The following FLOT1 variants were observed in gnomAD, a reference collection of about 807,000 sequenced individuals.
The protein encoded by FLOT1 is flotillin 1.
In FLOT1, 40 loss-of-function variants were observed where a neutral mutation model predicts 58.4. The ratio of observed to expected loss-of-function variants is 0.69; its 90% CI spans 0.53 to 0.89. The LOEUF (loss-of-function observed/expected upper bound fraction) is 0.89. FLOT1 is among the 40% of genes least tolerant of loss of function. FLOT1 has a pLI of 0.00. For missense variants in FLOT1, 423 were observed against 540.8 expected (o/e 0.78, Z 2.16); for synonymous variants, 178 against 204.2 (o/e 0.87, Z 1.09).
At chr6:30,731,988 G>A (rs1777237406) in intron 8 of FLOT1, among the ~76,000 whole-genome samples, 2 of 150,694 alleles carry the variant, frequency 1.3e-5, no homozygotes, top group Admixed American at 6.6e-5. Context: ...CTTTTTTTTT[G>A]AGGCAGTTTC....
intron 8 of FLOT1, among the ~76,000 whole-genome samples, chr6:30,734,674 C>T (rs1161889951): frequency 6.6e-6 from 1 of 152,044 alleles, no homozygotes; most frequent in East Asian, 1.9e-4. Flanking sequence ...TATTTTTCCC[C>T]TTTGTCAGCT....
At chr6:30,733,081 G>A (rs1777313117) in intron 8 of FLOT1, among the ~76,000 whole-genome samples, 1 of 151,770 alleles carries the variant, frequency 6.6e-6, no homozygotes, top group Admixed American at 6.6e-5. Context: ...TGGCACCCAG[G>A]CTGGAGTGCA....
chr6:30,731,691 C>T (rs1452612662), intron 8 of FLOT1, among the ~76,000 whole-genome samples: 1 of 152,192 alleles, frequency 6.6e-6, no homozygotes, highest in Non-Finnish European at 1.5e-5. Context: ...CTCAAATCCC[C>T]CCACTGTTGC....
At chr6:30,728,398 C>T (rs1392991927) in intron 12 of FLOT1, among the ~76,000 whole-genome samples, 1 of 152,098 alleles carries the variant, frequency 6.6e-6, no homozygotes, top group Non-Finnish European at 1.5e-5. Flanking sequence ...CTGCAGGCCT[C>T]CAGGAGGCTC....
In FLOT1 at chr6:30,730,522, C is replaced by G. The variant is rs757846029; in HGVS notation, c.995G>C (p.Arg332Pro). The G allele has an allele frequency of 6.2e-7, 1 of 1,610,502 alleles. No homozygotes were observed. The highest frequency in any genetic ancestry group is 1.3e-5 in the African/African-American group (1 of 74,880). ...CTTGGCCATCTGCTCAGCCTCGGCT[C>G]GGGCTCGGGCCCCTATGGCAAAGGC... ...AEAFAIGARARAEAEQMAKKA... is the reference protein window; with the variant it reads ...AEAFAIGARAPAEAEQMAKKA... The change falls in exon 11 of 13, where the codon CGA becomes CCA. Residue 332 changes from arginine (R) to proline (P), a missense_variant. By Grantham distance (103) the Arg-to-Pro change is moderately radical (BLOSUM62 -2). Coordinates refer to ENST00000376389, the MANE Select transcript of FLOT1 (RefSeq NM_005803.4).
chr6:30,730,338 G>A (rs1391261315), intron 11 of FLOT1, 90 bp downstream of exon 11: 8 of 1,500,138 alleles, frequency 5.3e-6, no homozygotes, highest in Non-Finnish European at 6.3e-6. Context: ...AGTCCCCCTA[G>A]GCTGTTTCTC....
chr6:30,738,278 G>A (rs147263261), intron 8 of FLOT1, among the ~76,000 whole-genome samples: 180 of 152,316 alleles, frequency 1.2e-3, no homozygotes, highest in African/African-American at 4.1e-3. Context: ...CACAGTTTGA[G>A]TTGCAAAGCT....
chr6:30,742,527 C>T lies in FLOT1; in HGVS notation c.-15G>A. ...GCTCCATCTCCCCTCCCCCACTCACCTTCCGGGACGCGGGCGGCAGCCCGG... is the reference window on the plus strand; with the variant it reads ...GCTCCATCTCCCCTCCCCCACTCACTTTCCGGGACGCGGGCGGCAGCCCGG... On this transcript the variant is annotated splice_region_variant and 5_prime_UTR_variant, in exon 1 of 13. Coordinates refer to ENST00000376389, the MANE Select transcript of FLOT1 (RefSeq NM_005803.4). The surrounding 1 kb of genome is among the most constrained non-coding windows in gnomAD (Gnocchi z 5.2). 1 of 336,838 alleles carries T rather than the reference C, an allele frequency of 3.0e-6. No individual in the cohort carries two copies. The highest frequency in any genetic ancestry group is 5.5e-6 in the Non-Finnish European group (1 of 181,802). The allele number at this position is 336,838 out of a possible 1,614,324, so 20.9% of individuals were successfully genotyped here. A position where few individuals can be genotyped will look rare whatever the true frequency, so the allele number is the denominator to read the frequency against.
intron 8 of FLOT1, among the ~76,000 whole-genome samples, chr6:30,732,503 C>G (rs1777273742): frequency 6.6e-6 from 1 of 152,060 alleles, no homozygotes. Flanking sequence ...CAGGTGTGAA[C>G]CAGCACACCC....
chr6:30,733,922 T>C (rs974727714), intron 8 of FLOT1, among the ~76,000 whole-genome samples: 1 of 150,884 alleles, frequency 6.6e-6, no homozygotes, highest in African/African-American at 2.4e-5. Flanking sequence ...CGTGGTGGTG[T>C]GCCCCTGTGG....
intron 8 of FLOT1, 83 bp downstream of exon 8, chr6:30,740,075 A>G: frequency 2.2e-6 from 3 of 1,334,736 alleles, no homozygotes; most frequent in Non-Finnish European, 3.1e-6. Context: ...TTAAAGTATG[A>G]GAAATAGTGT....
At chr6:30,739,008 T>C (rs546883507) in intron 8 of FLOT1, among the ~76,000 whole-genome samples, 72 of 152,346 alleles carry the variant, frequency 4.7e-4, no homozygotes, top group Non-Finnish European at 8.8e-4. Flanking sequence ...CAATACATTT[T>C]AGTGAATAGG....
intron 10 of FLOT1, 46 bp downstream of exon 10, chr6:30,730,635 AC>A (rs1422921410): frequency 6.2e-7 from 1 of 1,613,454 alleles, no homozygotes; most frequent in South Asian, 1.1e-5. Flanking sequence ...TCAAGCAGCA[AC>A]CCCCACCCTC....
At position 30,741,471 on chromosome 6, in the gene FLOT1, G is replaced by T; in HGVS notation, c.211-138C>A. The T allele has an allele frequency of 1.5e-6, 2 of 1,315,550 alleles. No homozygotes were observed. The highest frequency in any genetic ancestry group is 2.3e-5 in the East Asian group (1 of 43,470). The allele number at this position is 1,315,550 out of a possible 1,614,324, so 81.5% of individuals were successfully genotyped here. Reference sequence around the variant, plus strand: ...GAAAGGAGGAGGAGGCAAGTGCCTTGGGGTGCCTGGAAAAGATGAGACTAG... The same window carrying T: ...GAAAGGAGGAGGAGGCAAGTGCCTTTGGGTGCCTGGAAAAGATGAGACTAG... On this transcript the variant is annotated intron_variant, in intron 4 of 12. Transcript: ENST00000376389. This position sits in a 1 kb window ranked among gnomAD's most constrained non-coding sequence, Gnocchi z 5.9.
chr6:30,735,513 A>G (rs1046058723), intron 8 of FLOT1, among the ~76,000 whole-genome samples: 3 of 151,626 alleles, frequency 2.0e-5, no homozygotes, highest in Non-Finnish European at 2.9e-5. Flanking sequence ...ATCCCAGTTG[A>G]GGATTACTTG....
At position 30,740,822 on chromosome 6, in the gene FLOT1, G is replaced by A. The variant is rs771211611; in HGVS notation, c.355-24C>T. 7.6e-6 allele frequency: 11 copies of A among 1,452,048 alleles called. No individual in the cohort carries two copies. In the Admixed American group the frequency reaches 1.9e-4, roughly 25 times the overall value. The allele number at this position is 1,452,048 out of a possible 1,614,324, so 89.9% of individuals were successfully genotyped here. ...TCCTGTGATAACAGGATGGTGGGGAGAAGGGATGTAAGTTTTTTTTTTTTT... is the reference window on the plus strand; with the variant it reads ...TCCTGTGATAACAGGATGGTGGGGAAAAGGGATGTAAGTTTTTTTTTTTTT... On this transcript the variant is annotated intron_variant, in intron 5 of 12. Transcript: ENST00000376389.
In FLOT1 at chr6:30,742,507, A is replaced by C; in HGVS notation, c.-15+20T>G. The stretch of plus-strand genomic sequence containing the variant: ...CTGCTTCTCGGCAGCCCCAGGCTCC[A>C]TCTCCCCTCCCCCACTCACCTTCCG... On this transcript the variant is annotated intron_variant, in intron 1 of 12. Coordinates refer to ENST00000376389, the MANE Select transcript of FLOT1 (RefSeq NM_005803.4). This position sits in a 1 kb window ranked among gnomAD's most constrained non-coding sequence, Gnocchi z 5.2. 4.8e-6 allele frequency: 2 copies of C among 415,296 alleles called. No homozygotes were observed. Among genetic ancestry groups the C allele is most frequent in the South Asian group, 3.0e-5 (1 of 33,822 alleles). The allele number at this position is 415,296 out of a possible 1,614,324, so 25.7% of individuals were successfully genotyped here.
rs1223125650 is a variant in FLOT1, at chr6:30,741,156, A to G, written c.354+34T>C. ...GGCCTTGGGCCCCCCTCATTTTGAC[A>G]TCCTTCCAGATGGTTCCCTGCCCCT... is the stretch of plus-strand genomic sequence containing the variant. On this transcript the variant is annotated intron_variant, in intron 5 of 12. Transcript: ENST00000376389. This position sits in a 1 kb window ranked among gnomAD's most constrained non-coding sequence, Gnocchi z 5.9. 6.2e-7 allele frequency: 1 copy of G among 1,610,340 alleles called. No homozygotes were observed. Among genetic ancestry groups the G allele is most frequent in the Admixed American group, 1.7e-5 (1 of 59,940 alleles).
At chr6:30,740,039 G>T in intron 8 of FLOT1, 119 bp downstream of exon 8, 2 of 939,330 alleles carry the variant, frequency 2.1e-6, no homozygotes, top group Non-Finnish European at 1.6e-6. Context: ...TTGGTCCAGA[G>T]ATGGAGAGCC....
Sources: allele counts gnomAD v4.1 joint callset (sites outside exome capture counted in the v4.1 genomes callset), GRCh38; gene constraint gnomAD v4.1.1; non-coding constraint Gnocchi (gnomAD v3.1); transcripts MANE v1.5; gene names NCBI Gene and HGNC (gene_info 2026-07-23, HGNC 2026-07-21).